Variants in MMP26 observed in about 807,000 individuals in gnomAD.
The protein encoded by MMP26 is matrix metallopeptidase 26, also known as matrix metalloproteinase-26.
Under a neutral mutation model 31.0 loss-of-function variants are expected in MMP26, and 33 were observed. The ratio of observed to expected loss-of-function variants is 1.06; its 90% CI spans 0.81 to 1.42. The LOEUF is 1.42. Ranked by LOEUF, MMP26 falls within the 40% of genes most tolerant of loss-of-function variation. MMP26 has a pLI of 0.00. For missense variants in MMP26, 347 were observed against 316.1 expected (o/e 1.10, Z -0.74); for synonymous variants, 122 against 114.9 (o/e 1.06, Z -0.40).
chr11:4,907,684 T>C (rs751762440), intron 2 of MMP26: 193 of 1,613,930 alleles, frequency 1.2e-4, no homozygotes, highest in Non-Finnish European at 1.5e-4. Context: ...TCTTCATTCA[T>C]GGATTCACTG....
intron 2 of MMP26, among the ~76,000 whole-genome samples, chr11:4,895,838 G>T (rs879551824): frequency 6.6e-6 from 1 of 152,172 alleles, no homozygotes; most frequent in Non-Finnish European, 1.5e-5. Context: ...GGTCACTTAA[G>T]CCTAGTAGTT....
intron 2 of MMP26, among the ~76,000 whole-genome samples, chr11:4,771,921 G>A (rs537404890): frequency 5.3e-5 from 8 of 152,256 alleles, no homozygotes; most frequent in African/African-American, 1.9e-4. Flanking sequence ...TTGTGAATAG[G>A]TAACAAAGTA....
intron 2 of MMP26, among the ~76,000 whole-genome samples, chr11:4,885,710 C>T (rs779064378): frequency 2.6e-5 from 4 of 152,008 alleles, no homozygotes; most frequent in Non-Finnish European, 5.9e-5. Flanking sequence ...CATGGGCATA[C>T]ATATGTATAC....
chr11:4,782,183 C>A (rs577764205), intron 2 of MMP26, among the ~76,000 whole-genome samples: 2 of 152,128 alleles, frequency 1.3e-5, no homozygotes, highest in Admixed American at 6.5e-5. Context: ...CAGAAGAAGA[C>A]AGGAAAATGT....
rs1043683071 is a variant in MMP26 at position 4,786,367 on chromosome 11, C to T, written c.-145+19026C>T. 2.0e-5 allele frequency among the ~76,000 whole-genome samples: 3 copies of T among 152,264 alleles called. No individual in the cohort carries two copies. In the East Asian group the frequency reaches 5.8e-4, roughly 29 times the overall value. On this transcript the variant is annotated intron_variant, in intron 2 of 7. Coordinates refer to ENST00000380390, the MANE Select transcript of MMP26 (RefSeq NM_021801.5). Reference sequence around the variant, plus strand: ...CTTTGCCTGGTTCCCATCTCTGGCTCTCACAACTGATGAAAATGCAGTGAA... The same window carrying T: ...CTTTGCCTGGTTCCCATCTCTGGCTTTCACAACTGATGAAAATGCAGTGAA...
intron 2 of MMP26, among the ~76,000 whole-genome samples, chr11:4,809,979 C>T (rs1351427398): frequency 6.6e-6 from 1 of 152,130 alleles, no homozygotes; most frequent in Non-Finnish European, 1.5e-5. Flanking sequence ...GCAGAGACCT[C>T]AGATCAAGGC....
chr11:4,744,773 C>A (rs781129872), intron 1 of MMP26, among the ~76,000 whole-genome samples: 5 of 152,052 alleles, frequency 3.3e-5, no homozygotes, highest in Admixed American at 2.0e-4. Context: ...TATTAAGGGA[C>A]AATTGCTAAA....
At chr11:4,851,969 T>C (rs894541322) in intron 2 of MMP26, among the ~76,000 whole-genome samples, 1 of 152,074 alleles carries the variant, frequency 6.6e-6, no homozygotes, top group African/African-American at 2.4e-5. Context: ...ACAAAGTGAA[T>C]GGACTAAGCA....
chr11:4,992,283 G>C lies in MMP26; in HGVS notation c.*41G>C, dbSNP rs1288124911. On this transcript the variant is annotated 3_prime_UTR_variant, in exon 8 of 8. Transcript: ENST00000380390. The stretch of plus-strand genomic sequence containing the variant: ...CTTATTCAACCTGTCCTTTCAGGGA[G>C]TTTATTGGAGGATCAAAGAACTGAA... 2 of 1,583,860 alleles carry C rather than the reference G, an allele frequency of 1.3e-6. No individual in the cohort carries two copies. Among genetic ancestry groups the C allele is most frequent in the Non-Finnish European group, 1.7e-6 (2 of 1,160,908 alleles).
chr11:4,761,108 G>C (rs926392433), intron 1 of MMP26, among the ~76,000 whole-genome samples: 1 of 152,310 alleles, frequency 6.6e-6, no homozygotes, highest in Non-Finnish European at 1.5e-5. Context: ...TAAGCGGGGA[G>C]AGCCTTACCT....
At position 4,819,866 on chromosome 11, in the gene MMP26, C is replaced by G. The variant is rs530839331; in HGVS notation, c.-145+52525C>G. Among the ~76,000 whole-genome samples the G allele has an allele frequency of 2.6e-5, 4 of 152,164 alleles. No homozygotes were observed. In the Middle Eastern group the frequency reaches 0.01, roughly 388 times the overall value. On this transcript the variant is annotated intron_variant, in intron 2 of 7. Transcript: ENST00000380390. ...AAGTGTTGGGATAACAGGCATGAAC[C>G]CTGTGCCTGGCCTCAACTGAATTTG... is the stretch of plus-strand genomic sequence containing the variant.
chr11:4,969,864 C>T (rs56156297), intron 2 of MMP26, among the ~76,000 whole-genome samples: 6,816 of 152,116 alleles, frequency 0.045, 516 homozygotes, highest in African/African-American at 0.15. Context: ...GCCAAAGATA[C>T]GCCTATGTCA....
At chr11:4,900,789 G>T (rs1047917058) in intron 2 of MMP26, among the ~76,000 whole-genome samples, 16 of 152,052 alleles carry the variant, frequency 1.1e-4, no homozygotes, top group Non-Finnish European at 1.5e-4. Context: ...CCTTCCAACA[G>T]CCTGGTCAAT....
In MMP26 at chr11:4,877,509, G is replaced by A. The variant is rs986291786; in HGVS notation, c.-145+110168G>A. 6 of 152,152 alleles carry A rather than the reference G, an allele frequency of 3.9e-5. 1 individual carries two copies. Among genetic ancestry groups the A allele is most frequent in the African/African-American group, 1.2e-4 (5 of 41,418 alleles). The allele number at this position is 152,152 out of a possible 1,614,324, so 9.4% of individuals were successfully genotyped here. ...GTGGGGCTAGGGTTAGCCCTTAATGGCATCTACTATTTCCAAGTAAATGCA... is the reference window on the plus strand; with the variant it reads ...GTGGGGCTAGGGTTAGCCCTTAATGACATCTACTATTTCCAAGTAAATGCA... On this transcript the variant is annotated intron_variant, in intron 2 of 7. Coordinates refer to ENST00000380390, the MANE Select transcript of MMP26 (RefSeq NM_021801.5).
chr11:4,839,800 G>A (rs1849769936), intron 2 of MMP26, among the ~76,000 whole-genome samples: 1 of 151,750 alleles, frequency 6.6e-6, no homozygotes, highest in African/African-American at 2.4e-5. Context: ...CCTTCTGCTT[G>A]AGGGAAGAGT....
At chr11:4,764,742 G>C (rs960868925) in intron 1 of MMP26, among the ~76,000 whole-genome samples, 12 of 152,012 alleles carry the variant, frequency 7.9e-5, no homozygotes, top group Non-Finnish European at 1.6e-4. Context: ...GCGCGGTGGC[G>C]GGCGCCTGTA....
At chr11:4,857,771 A>G (rs1185591642) in intron 2 of MMP26, among the ~76,000 whole-genome samples, 1 of 152,186 alleles carries the variant, frequency 6.6e-6, no homozygotes, top group Non-Finnish European at 1.5e-5. Flanking sequence ...AGACACAACA[A>G]AAAAACAGAA....
chr11:4,968,904 A>G (rs533238378), intron 2 of MMP26, among the ~76,000 whole-genome samples: 99 of 152,156 alleles, frequency 6.5e-4, no homozygotes, highest in African/African-American at 2.3e-3. Context: ...GAATGAAATT[A>G]CTTTAGAATA....
intron 2 of MMP26, among the ~76,000 whole-genome samples, chr11:4,837,628 A>G (rs140064618): frequency 2.6e-5 from 4 of 152,348 alleles, no homozygotes; most frequent in Non-Finnish European, 5.9e-5. Context: ...TACTATTAGC[A>G]AAATCTAAAA....
Sources: allele counts gnomAD v4.1 joint callset (sites outside exome capture counted in the v4.1 genomes callset), GRCh38; gene constraint gnomAD v4.1.1; transcripts MANE v1.5; gene names NCBI Gene and HGNC (gene_info 2026-07-23, HGNC 2026-07-21).